ZHX3: variants seen among roughly 807,000 people sequenced by gnomAD.
ZHX3 encodes the protein zinc fingers and homeoboxes protein 3.
ZHX3 carries 20 observed loss-of-function variants against 64.5 expected under a neutral mutation model. That is an observed-to-expected ratio of 0.31 (90% CI 0.22 to 0.45). ZHX3 has a LOEUF of 0.45. ZHX3 is among the 20% of genes least tolerant of loss of function. The pLI is 1.00. For missense variants in ZHX3, 1,041 were observed against 1,195.8 expected (o/e 0.87, Z 1.91); for synonymous variants, 423 against 461.6 (o/e 0.92, Z 1.07).
chr20:41,224,101 A>C lies in ZHX3; in HGVS notation c.-150-19035T>G, dbSNP rs1022981160. 3.9e-5 allele frequency among the ~76,000 whole-genome samples: 6 copies of C among 152,234 alleles called. No individual in the cohort carries two copies. Among genetic ancestry groups the C allele is most frequent in the Admixed American group, 2.6e-4 (4 of 15,272 alleles). ...AACAAGCAAAACAAAAAAAATACCC[A>C]AAATGGAGGAGTGGGACAATATATG... On this transcript the variant is annotated intron_variant, in intron 2 of 3. Transcript: ENST00000683867. The surrounding 1 kb of genome is among the most constrained non-coding windows in gnomAD (Gnocchi z 5.2).
intron 2 of ZHX3, among the ~76,000 whole-genome samples, chr20:41,208,685 C>T (rs373970433): frequency 2.6e-5 from 4 of 152,148 alleles, no homozygotes; most frequent in African/African-American, 7.2e-5. Flanking sequence ...ATTGATGGGA[C>T]GTATCTCAAA....
At position 41,200,622 on chromosome 20, in the gene ZHX3, G is replaced by C. The variant is rs1366239831; in HGVS notation, c.2860+1435C>G. Among the ~76,000 whole-genome samples the C allele has an allele frequency of 6.6e-6, 1 of 152,188 alleles. No homozygotes were observed. The highest frequency in any genetic ancestry group is 2.4e-5 in the African/African-American group (1 of 41,442). On this transcript the variant is annotated intron_variant, in intron 3 of 3. Coordinates refer to ENST00000683867, the MANE Select transcript of ZHX3 (RefSeq NM_001384317.1). This position sits in a 1 kb window ranked among gnomAD's most constrained non-coding sequence, Gnocchi z 4.2. Reference sequence around the variant, plus strand: ...GTTGGAGGAGGCTGTAAGGGAGCCAGTGGCCCTTGTACTCCTACCCTAAGT... The same window carrying C: ...GTTGGAGGAGGCTGTAAGGGAGCCACTGGCCCTTGTACTCCTACCCTAAGT...
intron 3 of ZHX3, among the ~76,000 whole-genome samples, chr20:41,194,660 A>G (rs1205435915): frequency 6.6e-6 from 1 of 152,098 alleles, no homozygotes; most frequent in African/African-American, 2.4e-5. Flanking sequence ...TCTTCTTTCA[A>G]TATTTGGAAG....
intron 2 of ZHX3, among the ~76,000 whole-genome samples, chr20:41,247,041 G>A (rs1019931795): frequency 1.3e-5 from 2 of 151,856 alleles, no homozygotes; most frequent in South Asian, 2.1e-4. Flanking sequence ...CTGGCAGATC[G>A]CTTGAGCCTA....
At position 41,289,944 on chromosome 20, in the gene ZHX3, A is replaced by C. The variant is rs6072330; in HGVS notation, c.-244-20861T>G. Among the ~76,000 whole-genome samples, 936 of 152,366 alleles carry C rather than the reference A, an allele frequency of 6.1e-3. 3 individuals carry two copies. Among genetic ancestry groups the C allele is most frequent in the Non-Finnish European group, 0.01 (684 of 68,032 alleles). On this transcript the variant is annotated intron_variant, in intron 1 of 3. Coordinates refer to ENST00000683867, the MANE Select transcript of ZHX3 (RefSeq NM_001384317.1). ...CAACAAAAAGAAACCTAGAAACTAA[A>C]AACTAATAATAACGCCAAACATTGG...
At chr20:41,236,125 TACAA>T (rs1568871885) in intron 2 of ZHX3, among the ~76,000 whole-genome samples, 1 of 152,034 alleles carries the variant, frequency 6.6e-6, no homozygotes, top group African/African-American at 2.4e-5. Flanking sequence ...TAAAAGAGGA[TACAA>T]ACAAATGGAA....
rs1378182662 is a variant in ZHX3, at chr20:41,201,380, G to T, written c.2860+677C>A. ...GGAGAGGCTGGGAACTCAGTGACCA[G>T]GAACCTAGAAAATCAACACGTAATA... On this transcript the variant is annotated intron_variant, in intron 3 of 3. Transcript: ENST00000683867. The surrounding 1 kb of genome is among the most constrained non-coding windows in gnomAD (Gnocchi z 5.0). The T allele has an allele frequency of 7.7e-7, 1 of 1,304,436 alleles. No homozygotes were observed. The highest frequency in any genetic ancestry group is 5.5e-5 in the East Asian group (1 of 18,038). The allele number at this position is 1,304,436 out of a possible 1,614,324, so 80.8% of individuals were successfully genotyped here.
chr20:41,181,239 TC>T lies in ZHX3; in HGVS notation c.*3951del. The T allele has an allele frequency of 6.6e-6, 1 of 152,206 alleles. No homozygotes were observed. The highest frequency in any genetic ancestry group is 1.5e-5 in the Non-Finnish European group (1 of 68,042). 9.4% of individuals were successfully genotyped at this position (152,206 alleles called of 1,614,324 possible). On this transcript the variant is annotated 3_prime_UTR_variant, in exon 4 of 4. Transcript: ENST00000683867. ...CTGGAAGACTTGACTATGTGGGCCT[TC>T]ATGTGTCTAGAGGATTTTTCTTCTC...
chr20:41,262,613 T>C (rs1200571549), intron 2 of ZHX3, among the ~76,000 whole-genome samples: 2 of 152,220 alleles, frequency 1.3e-5, no homozygotes, highest in Non-Finnish European at 2.9e-5. Context: ...GTTGGCTGAT[T>C]TGCACATCAT....
chr20:41,223,886 A>T (rs1038771310), intron 2 of ZHX3, among the ~76,000 whole-genome samples: 1 of 152,232 alleles, frequency 6.6e-6, no homozygotes, highest in East Asian at 1.9e-4. Flanking sequence ...AATACCAAGT[A>T]GTGCTCCTTT....
Position 41,183,421 on chromosome 20 carries a change from G to A in ZHX3, c.*1770C>T, listed in dbSNP as rs1280820451. On this transcript the variant is annotated 3_prime_UTR_variant, in exon 4 of 4. Coordinates refer to ENST00000683867, the MANE Select transcript of ZHX3 (RefSeq NM_001384317.1). The surrounding 1 kb of genome is among the most constrained non-coding windows in gnomAD (Gnocchi z 5.3). ...GATGTGGTCCCTATTGGGACAGGGA[G>A]GGCAGAAGATGACACTTTAGAAGAA... is the stretch of plus-strand genomic sequence containing the variant. 3 of 152,222 alleles carry A rather than the reference G, an allele frequency of 2.0e-5. No homozygotes were observed. Among genetic ancestry groups the A allele is most frequent in the African/African-American group, 7.2e-5 (3 of 41,450 alleles). The allele number at this position is 152,222 out of a possible 1,614,324, so 9.4% of individuals were successfully genotyped here. A position where few individuals can be genotyped will look rare whatever the true frequency, so the allele number is the denominator to read the frequency against.
intron 2 of ZHX3, among the ~76,000 whole-genome samples, chr20:41,248,954 CTG>C (rs1376120543): frequency 6.6e-6 from 1 of 152,214 alleles, no homozygotes; most frequent in Non-Finnish European, 1.5e-5. Context: ...GGCGTAATTC[CTG>C]TGTGTCACAG....
rs2146226624 is a variant in ZHX3 at position 41,202,388 on chromosome 20, G to C, written c.2529C>G (p.Ala843=). The part of the protein sequence containing the change: ...GNFPPGLLVI[A]PGNRELLQDY... Reference sequence around the variant, plus strand: ...CCTGCAGGAGCTCCCGGTTGCCAGGGGCAATGACCAGTAGCCCTGGTGGGA... The same window carrying C: ...CCTGCAGGAGCTCCCGGTTGCCAGGCGCAATGACCAGTAGCCCTGGTGGGA... The change falls in exon 3 of 4, where the codon GCC becomes GCG. Residue 843 remains alanine, a synonymous_variant. Coordinates refer to ENST00000683867, the MANE Select transcript of ZHX3 (RefSeq NM_001384317.1). This position sits in a 1 kb window ranked among gnomAD's most constrained non-coding sequence, Gnocchi z 7.0. 6.2e-7 allele frequency: 1 copy of C among 1,614,150 alleles called. No homozygotes were observed. The highest frequency in any genetic ancestry group is 2.2e-5 in the East Asian group (1 of 44,886).
rs917309686 is a variant in ZHX3 at position 41,200,536 on chromosome 20, G to C, written c.2860+1521C>G. 7.2e-5 allele frequency among the ~76,000 whole-genome samples: 11 copies of C among 152,174 alleles called. No homozygotes were observed. Among genetic ancestry groups the C allele is most frequent in the African/African-American group, 1.9e-4 (8 of 41,438 alleles). ...TCAGCTACTTTATAAAGCAGGCTGT[G>C]AGCTGTGGGCCCCAAAGGAGGGGAG... is the stretch of plus-strand genomic sequence containing the variant. On this transcript the variant is annotated intron_variant, in intron 3 of 3. Transcript: ENST00000683867. The surrounding 1 kb of genome is among the most constrained non-coding windows in gnomAD (Gnocchi z 4.2).
chr20:41,260,681 G>A (rs1346115588), intron 2 of ZHX3, among the ~76,000 whole-genome samples: 1 of 152,152 alleles, frequency 6.6e-6, no homozygotes, highest in Non-Finnish European at 1.5e-5. Context: ...TAACAACAAT[G>A]GCAACACAAG....
chr20:41,304,389 C>T (rs890237949), intron 1 of ZHX3, among the ~76,000 whole-genome samples: 7 of 152,162 alleles, frequency 4.6e-5, no homozygotes, highest in African/African-American at 1.7e-4. Flanking sequence ...GCTACACGTG[C>T]CTGCCAGTAT....
chr20:41,292,643 A>G (rs1342624005), intron 1 of ZHX3, among the ~76,000 whole-genome samples: 4 of 152,256 alleles, frequency 2.6e-5, no homozygotes. Context: ...TTAGGAATGT[A>G]ATTTCAACAG....
In ZHX3 at chr20:41,193,851, T is replaced by C. The variant is rs535634245; in HGVS notation, c.2860+8206A>G. Among the ~76,000 whole-genome samples, 8 of 152,092 alleles carry C rather than the reference T, an allele frequency of 5.3e-5. No homozygotes were observed. In the South Asian group the frequency reaches 1.7e-3, roughly 32 times the overall value. ...CCCTAACCCTGAGACTAAAGGCACA[T>C]GCCACCATGCCCAGCTAATTTTGTA... On this transcript the variant is annotated intron_variant, in intron 3 of 3. Coordinates refer to ENST00000683867, the MANE Select transcript of ZHX3 (RefSeq NM_001384317.1).
chr20:41,312,216 C>T lies in ZHX3; in HGVS notation c.-245+5293G>A, dbSNP rs146180865. On this transcript the variant is annotated intron_variant, in intron 1 of 3. Transcript: ENST00000683867. Reference sequence around the variant, plus strand: ...TGTAGCTAGCTAGAGGTTTGTAAAACGCACCAATCAGCACTCTGTAGCTAG... The same window carrying T: ...TGTAGCTAGCTAGAGGTTTGTAAAATGCACCAATCAGCACTCTGTAGCTAG... 3.2e-4 allele frequency among the ~76,000 whole-genome samples: 48 copies of T among 152,056 alleles called. No individual in the cohort carries two copies. In the South Asian group the frequency reaches 3.5e-3, roughly 11 times the overall value.
Sources: gnomAD v4.1 joint callset for allele counts (sites outside exome capture counted in the v4.1 genomes callset) on GRCh38, gnomAD v4.1.1 for gene constraint, Gnocchi (gnomAD v3.1) non-coding constraint, MANE v1.5 for transcripts, NCBI Gene and HGNC (gene_info 2026-07-23, HGNC 2026-07-21) for gene names.